The following ARSG variants were observed in gnomAD, a reference collection of about 807,000 sequenced individuals.
The protein encoded by ARSG is ASG.
In ARSG, 37 loss-of-function variants were observed where a neutral mutation model predicts 50.5. The observed-to-expected ratio is 0.73, with a 90% CI of 0.56 to 0.96. The LOEUF (loss-of-function observed/expected upper bound fraction) is 0.96. ARSG is among the 50% of genes least tolerant of loss of function. The pLI, the probability that ARSG is intolerant of heterozygous loss-of-function variation, is 0.00. For synonymous variants in ARSG, 225 were observed against 254.6 expected (o/e 0.88, Z 1.11); for missense variants, 629 against 675.3 (o/e 0.93, Z 0.76).
chr17:68,301,033 G>A (rs1348169449), intron 1 of ARSG, among the ~76,000 whole-genome samples: 1 of 151,742 alleles, frequency 6.6e-6, no homozygotes. Context: ...CAGGAGAATG[G>A]TGTGAACCTG....
intron 1 of ARSG, among the ~76,000 whole-genome samples, chr17:68,292,900 T>G (rs3760269): frequency 0.52 from 79,630 of 151,976 alleles, 21,205 homozygotes; most frequent in Middle Eastern, 0.59. Flanking sequence ...CGTAGAGCGT[T>G]AATTTCTCCA....
intron 1 of ARSG, among the ~76,000 whole-genome samples, chr17:68,282,846 G>A (rs1555753261): frequency 6.7e-6 from 1 of 149,474 alleles, no homozygotes; most frequent in Admixed American, 6.8e-5. Context: ...TACTTGGGAG[G>A]CTGAGGCAGG....
At chr17:68,435,502 G>T in the ARSG span, 10 of 971,924 alleles carry the variant, frequency 1.0e-5, no homozygotes, top group African/African-American at 1.6e-5. Flanking sequence ...AACAAATTCT[G>T]AGTGGGCCCA....
intron 11 of ARSG, among the ~76,000 whole-genome samples, chr17:68,409,509 G>T (rs1320385205): frequency 1.3e-5 from 2 of 151,872 alleles, no homozygotes; most frequent in African/African-American, 4.8e-5. Context: ...GTACCATGCT[G>T]TTTTGGTTAC....
intron 1 of ARSG, among the ~76,000 whole-genome samples, chr17:68,303,475 G>T (rs1243108401): frequency 6.6e-6 from 1 of 151,828 alleles, no homozygotes; most frequent in African/African-American, 2.4e-5. Context: ...TTGAGATGGA[G>T]TCTCACTCTG....
chr17:68,433,599 T>G, the ARSG span: 1 of 1,595,102 alleles, frequency 6.3e-7, no homozygotes, highest in Non-Finnish European at 8.6e-7. Flanking sequence ...AACACATGGG[T>G]CAGTGAGCAA....
chr17:68,433,356 G>T, the ARSG span: 1 of 1,044,726 alleles, frequency 9.6e-7, no homozygotes, highest in Non-Finnish European at 1.4e-6. Flanking sequence ...GAAGTCCCAA[G>T]TGAAGCCAAG....
intron 2 of ARSG, among the ~76,000 whole-genome samples, chr17:68,327,253 C>T (rs1319120864): frequency 1.3e-5 from 2 of 152,058 alleles, no homozygotes; most frequent in Non-Finnish European, 2.9e-5. Flanking sequence ...TTGAGCTGGA[C>T]CCTGGAGACA....
rs190754098 is a variant in ARSG, at chr17:68,350,081, G to C, written c.455-1494G>C. Among the ~76,000 whole-genome samples, 7 of 152,298 alleles carry C rather than the reference G, an allele frequency of 4.6e-5. No homozygotes were observed. In the East Asian group the frequency reaches 1.3e-3, roughly 29 times the overall value. Reference sequence around the variant, plus strand: ...TGTGGCAGGCGGGATGCAGTGAAGAGCAGGGAAATTCTGTAGGAAACTTCA... The same window carrying C: ...TGTGGCAGGCGGGATGCAGTGAAGACCAGGGAAATTCTGTAGGAAACTTCA... On this transcript the variant is annotated intron_variant, in intron 4 of 11. Transcript: ENST00000621439.
chr17:68,450,138 T>C, the ARSG span, among the ~76,000 whole-genome samples: 6 of 149,966 alleles, frequency 4.0e-5, no homozygotes, highest in Admixed American at 6.7e-5. Context: ...GAGATCAGAA[T>C]AATCCTTCAA....
intron 3 of ARSG, among the ~76,000 whole-genome samples, chr17:68,345,390 G>A (rs2078457923): frequency 6.6e-6 from 1 of 152,226 alleles, no homozygotes; most frequent in East Asian, 1.9e-4. Flanking sequence ...CTATGCTGCA[G>A]AAGTGGGGCT....
At chr17:68,339,420 C>A (rs1366728868) in intron 2 of ARSG, among the ~76,000 whole-genome samples, 1 of 152,230 alleles carries the variant, frequency 6.6e-6, no homozygotes, top group East Asian at 1.9e-4. Flanking sequence ...TGATGTCTTA[C>A]ATTGGGTCTG....
rs761322737 is a variant in ARSG, at chr17:68,356,708, T to G, written c.608T>G (p.Leu203Arg). 12 of 1,614,240 alleles carry G rather than the reference T, an allele frequency of 7.4e-6. No individual in the cohort carries two copies. Among genetic ancestry groups the G allele is most frequent in the Non-Finnish European group, 1.0e-5 (12 of 1,180,036 alleles). Residue 203 changes from leucine (L) to arginine (R), a missense_variant, in exon 6 of 12, where the codon CTT (leucine) becomes CGT (arginine). Leu to Arg is a moderately radical substitution (Grantham distance 102). Transcript: ENST00000621439. ...TGTTACACTGACGTGGCCCTCCCTC[T>G]TTATGAAAACCTCAACATTGTGGAG... is the stretch of plus-strand genomic sequence containing the variant. ...RDCYTDVALP[L>R]YENLNIVEQP...
At chr17:68,358,333 G>A (rs2079125598) in intron 6 of ARSG, among the ~76,000 whole-genome samples, 2 of 152,120 alleles carry the variant, frequency 1.3e-5, no homozygotes, top group Non-Finnish European at 1.5e-5. Context: ...CTCCAGGATC[G>A]CTCGAGGCCA....
rs1390229053 is a variant in ARSG at position 68,293,851 on chromosome 17, C to A, written c.-552+2283C>A. Among the ~76,000 whole-genome samples, 5 of 152,130 alleles carry A rather than the reference C, an allele frequency of 3.3e-5. 1 individual carries two copies. Among genetic ancestry groups the A allele is most frequent in the Non-Finnish European group, 2.9e-5 (2 of 68,012 alleles). ...GAAACCCAACCTACGCACAGCCTTG[C>A]TAGTCACAAAAAAGTCACGCAACAT... is the stretch of plus-strand genomic sequence containing the variant. On this transcript the variant is annotated intron_variant, in intron 1 of 11. Coordinates refer to ENST00000621439, the MANE Select transcript of ARSG (RefSeq NM_001267727.2).
chr17:68,437,921 G>C, the ARSG span, among the ~76,000 whole-genome samples: 1 of 114,080 alleles, frequency 8.8e-6, no homozygotes. Flanking sequence ...CAGAAACTTT[G>C]AGATCACGCA....
intron 1 of ARSG, among the ~76,000 whole-genome samples, chr17:68,304,075 G>A (rs782124186): frequency 2.0e-5 from 3 of 152,308 alleles, no homozygotes; most frequent in Admixed American, 6.5e-5. Context: ...TTTCTTAAGT[G>A]AATTTTTTTT....
intron 1 of ARSG, among the ~76,000 whole-genome samples, chr17:68,285,219 AGTT>A (rs1555754008): frequency 6.6e-6 from 1 of 152,264 alleles, no homozygotes; most frequent in Non-Finnish European, 1.5e-5. Context: ...AAATTGGCAC[AGTT>A]GTTCTAACCC....
At chr17:68,310,666 C>A (rs1381159224) in intron 2 of ARSG, among the ~76,000 whole-genome samples, 1 of 152,222 alleles carries the variant, frequency 6.6e-6, no homozygotes, top group African/African-American at 2.4e-5. Flanking sequence ...TTTCAGCTCA[C>A]CGCTTAGGAT....
Sources: gnomAD v4.1 joint callset for allele counts (sites outside exome capture counted in the v4.1 genomes callset) on GRCh38, gnomAD v4.1.1 for gene constraint, MANE v1.5 for transcripts, NCBI Gene and HGNC (gene_info 2026-07-23, HGNC 2026-07-21) for gene names.